The following BACH2 variants were observed in gnomAD, a reference collection of about 807,000 sequenced individuals.
The protein encoded by BACH2 is BACH transcriptional regulator 2.
A neutral mutation model predicts 61.8 loss-of-function variants in BACH2; 5 were observed. That is an observed-to-expected ratio of 0.08 (90% confidence interval 0.04 to 0.17). The LOEUF (loss-of-function observed/expected upper bound fraction) is 0.17, where lower values mean the gene tolerates loss of function less well. Among genes scored for constraint, BACH2 ranks in the 10% least tolerant of loss-of-function variants. The pLI is 1.00. For missense variants in BACH2, 824 were observed against 1,091.1 expected (o/e 0.76, Z 3.45); for synonymous variants, 446 against 440.1 (o/e 1.01, Z -0.17).
At chr6:90,209,229 T>C (rs552387711) in intron 3 of BACH2, among the ~76,000 whole-genome samples, 161 of 151,056 alleles carry the variant, frequency 1.1e-3, no homozygotes, top group Non-Finnish European at 2.0e-3. Flanking sequence ...CATTCAGTCA[T>C]AGCAATAGCA....
intron 4 of BACH2, among the ~76,000 whole-genome samples, chr6:90,189,951 T>A (rs1209240371): frequency 1.6e-5 from 2 of 121,656 alleles, no homozygotes; most frequent in African/African-American, 2.7e-5. Context: ...ACTCTGAGCA[T>A]TTTTTTTTTA....
intron 7 of BACH2, among the ~76,000 whole-genome samples, chr6:89,939,428 G>C (rs1014617508): frequency 6.6e-6 from 1 of 152,210 alleles, no homozygotes; most frequent in African/African-American, 2.4e-5. Flanking sequence ...CATAGAAACT[G>C]TAAGAGGTGT....
intron 7 of BACH2, among the ~76,000 whole-genome samples, chr6:89,944,691 T>C (rs1773627892): frequency 6.6e-6 from 1 of 151,988 alleles, no homozygotes; most frequent in African/African-American, 2.4e-5. Context: ...TCTCTCTCTC[T>C]CTCTCCCGCC....
At chr6:89,942,096 CTT>C (rs912456477) in intron 7 of BACH2, among the ~76,000 whole-genome samples, 9 of 151,510 alleles carry the variant, frequency 5.9e-5, no homozygotes, top group South Asian at 2.1e-4. Flanking sequence ...CCAACTCACT[CTT>C]GTTTCTCTTT....
chr6:90,098,866 A>G (rs1442896796), intron 4 of BACH2, among the ~76,000 whole-genome samples: 1 of 152,214 alleles, frequency 6.6e-6, no homozygotes, highest in Admixed American at 6.5e-5. Context: ...CAACACGGCT[A>G]GGCCTCTCCC....
chr6:90,068,954 C>T (rs1475793363), intron 5 of BACH2, among the ~76,000 whole-genome samples: 2 of 152,164 alleles, frequency 1.3e-5, no homozygotes, highest in African/African-American at 4.8e-5. Flanking sequence ...GTTTACACCC[C>T]GGCACTAAGT....
At chr6:90,029,880 T>C (rs1232848489) in intron 5 of BACH2, among the ~76,000 whole-genome samples, 2 of 152,118 alleles carry the variant, frequency 1.3e-5, no homozygotes, top group Non-Finnish European at 2.9e-5. Context: ...AAACTAATGA[T>C]ATAACCTCCA....
chr6:90,170,668 T>C (rs902222084), intron 4 of BACH2, among the ~76,000 whole-genome samples: 2 of 152,254 alleles, frequency 1.3e-5, no homozygotes, highest in African/African-American at 4.8e-5. Context: ...CCTTTTTGAC[T>C]GTAGTGAAAT....
intron 6 of BACH2, among the ~76,000 whole-genome samples, chr6:89,991,614 C>A (rs1776574092): frequency 6.6e-6 from 1 of 152,088 alleles, no homozygotes; most frequent in African/African-American, 2.4e-5. Context: ...ACCAAAATAC[C>A]ATTTTTCCAC....
intron 5 of BACH2, among the ~76,000 whole-genome samples, chr6:90,057,188 G>GT (rs1582280959): frequency 6.6e-6 from 1 of 150,514 alleles, no homozygotes; most frequent in East Asian, 1.9e-4. Context: ...CCAGGAGCTG[G>GT]TTTTTTGAAA....
chr6:90,022,774 G>A (rs1562376617), intron 5 of BACH2, among the ~76,000 whole-genome samples: 1 of 152,192 alleles, frequency 6.6e-6, no homozygotes, highest in Non-Finnish European at 1.5e-5. Context: ...CAAGTGCATT[G>A]ATGGTCAGAT....
chr6:89,972,314 A>G (rs911769931), intron 6 of BACH2, among the ~76,000 whole-genome samples: 1 of 152,174 alleles, frequency 6.6e-6, no homozygotes, highest in African/African-American at 2.4e-5. Context: ...CCAGGCAAGC[A>G]CCACTGTGGC....
chr6:90,292,067 C>T lies in BACH2; in HGVS notation c.-446+4413G>A, dbSNP rs777684283. 9.2e-5 allele frequency among the ~76,000 whole-genome samples: 14 copies of T among 152,304 alleles called. No individual in the cohort carries two copies. The Middle Eastern group carries it at 0.01, about 111-fold the overall frequency. On this transcript the variant is annotated intron_variant, in intron 1 of 8. Transcript: ENST00000257749. ...TATTGTTCTCTGTTCTATGTGAGGG[C>T]AGGGACCATGTTCTCTGTATGTCAC...
intron 4 of BACH2, among the ~76,000 whole-genome samples, chr6:90,100,714 CACACACACACACAG>C (rs1782584205): frequency 1.7e-5 from 1 of 57,812 alleles, no homozygotes; most frequent in Admixed American, 2.1e-4. Context: ...CACACACACA[CACACACACACACAG>C]ACACACACAC....
At chr6:89,996,815 CTA>C (rs1163149637) in intron 6 of BACH2, among the ~76,000 whole-genome samples, 2 of 152,148 alleles carry the variant, frequency 1.3e-5, no homozygotes, top group African/African-American at 2.4e-5. Flanking sequence ...CCTTTGATTT[CTA>C]TGTTTTTCTT....
intron 3 of BACH2, among the ~76,000 whole-genome samples, chr6:90,242,255 CT>C (rs1770480247): frequency 6.6e-6 from 1 of 152,204 alleles, no homozygotes; most frequent in African/African-American, 2.4e-5. Flanking sequence ...ATCCTGTCCC[CT>C]CTTCCCTGAA....
At chr6:90,049,016 T>C (rs918194445) in intron 5 of BACH2, among the ~76,000 whole-genome samples, 4 of 152,198 alleles carry the variant, frequency 2.6e-5, no homozygotes, top group Non-Finnish European at 4.4e-5. Context: ...AAAGTTCCTT[T>C]TGTTGTTATA....
At chr6:89,959,594 C>T (rs1161557816) in intron 6 of BACH2, among the ~76,000 whole-genome samples, 2 of 152,172 alleles carry the variant, frequency 1.3e-5, no homozygotes, top group East Asian at 3.8e-4. Flanking sequence ...ACTATTATCA[C>T]TCTCTCTGTG....
At chr6:90,092,766 C>T (rs538359760) in intron 4 of BACH2, among the ~76,000 whole-genome samples, 4 of 152,226 alleles carry the variant, frequency 2.6e-5, no homozygotes, top group East Asian at 1.9e-4. Flanking sequence ...AAATTGGCTA[C>T]GAACTAGCTG....
Sources: gnomAD v4.1 joint callset for allele counts (sites outside exome capture counted in the v4.1 genomes callset) on GRCh38, gnomAD v4.1.1 for gene constraint, MANE v1.5 for transcripts, NCBI Gene and HGNC (gene_info 2026-07-23, HGNC 2026-07-21) for gene names.